The following XPOT variants were observed in gnomAD, a reference collection of about 807,000 sequenced individuals.
The protein encoded by XPOT is exportin-T.
XPOT carries 34 observed loss-of-function variants against 128.2 expected under a neutral mutation model. The observed-to-expected ratio is 0.27, with a 90% CI of 0.20 to 0.35. The LOEUF is 0.35. Ranked by LOEUF, XPOT falls within the 10% of genes least tolerant of loss-of-function variation. XPOT has a pLI of 1.00. For missense variants in XPOT, 838 were observed against 1,125.3 expected (o/e 0.74, Z 3.65); for synonymous variants, 348 against 394.3 (o/e 0.88, Z 1.39).
rs781710777 is a variant in XPOT at position 64,431,814 on chromosome 12, C to A, written c.2253C>A (p.Ala751=). The change falls in exon 18 of 25, where the codon GCC becomes GCA. Residue 751 remains alanine (A), a synonymous_variant. Coordinates refer to ENST00000332707, the MANE Select transcript of XPOT (RefSeq NM_007235.6). ...TTCCTCTTATCAACCAGATTACGGC[C>A]AAATTCAAGGTACCGCAAACTTTCA... ...EFIPLINQIT[A]KFKIQVSPFL... 4.3e-6 allele frequency: 7 copies of A among 1,611,194 alleles called. No individual in the cohort carries two copies. In the Admixed American group the frequency reaches 1.2e-4, roughly 27 times the overall value.
chr12:64,421,032 C>T (rs2040134130), intron 8 of XPOT, among the ~76,000 whole-genome samples: 1 of 152,134 alleles, frequency 6.6e-6, no homozygotes, highest in Non-Finnish European at 1.5e-5. Context: ...GAACTCTTGA[C>T]CTCAGGTAAT....
intron 11 of XPOT, among the ~76,000 whole-genome samples, 180 bp downstream of exon 11, chr12:64,423,424 T>G (rs1465336670): frequency 6.6e-6 from 1 of 152,160 alleles, no homozygotes; most frequent in African/African-American, 2.4e-5. Flanking sequence ...CCTTCCTTTT[T>G]GATATTTTAT....
At chr12:64,409,473 T>C (rs374399415) in intron 1 of XPOT, among the ~76,000 whole-genome samples, 348 of 152,330 alleles carry the variant, frequency 2.3e-3, no homozygotes, top group South Asian at 5.4e-3. Flanking sequence ...GGGTGGCTCA[T>C]GCCTGTAATC....
intron 24 of XPOT, among the ~76,000 whole-genome samples, chr12:64,447,699 C>CA (rs1331572921): frequency 1.3e-5 from 2 of 152,168 alleles, no homozygotes; most frequent in Non-Finnish European, 2.9e-5. Flanking sequence ...AGGCTGATCT[C>CA]AAACTCCTGG....
chr12:64,411,311 T>C (rs1347910876), intron 2 of XPOT, among the ~76,000 whole-genome samples: 1 of 152,258 alleles, frequency 6.6e-6, no homozygotes, highest in Non-Finnish European at 1.5e-5. Context: ...TGCATGCTTG[T>C]AATTAAAAGC....
rs769531840 is a variant in XPOT at position 64,420,483 on chromosome 12, C to G, written c.805C>G (p.Gln269Glu). Residue 269 changes from glutamine (Q) to glutamate (E), a missense_variant, in exon 8 of 25, where the codon CAA becomes GAA. By Grantham distance (29) the Gln-to-Glu change is conservative. Around this residue, in one of 3 missense-constraint regions of XPOT, gnomAD observed 761 missense variants for 988.3 expected, o/e 0.77. Coordinates refer to ENST00000332707, the MANE Select transcript of XPOT (RefSeq NM_007235.6). ...DKMKLVESLC[Q>E]VLQSAGFFSI... ...AATGAAACTAGTGGAATCTTTGTGT[C>G]AAGTATTACAGTCTGCTGGGTTTTT... is the stretch of plus-strand genomic sequence containing the variant. The G allele has an allele frequency of 1.1e-5, 17 of 1,613,426 alleles. No individual in the cohort carries two copies. The highest frequency in any genetic ancestry group is 1.4e-5 in the Non-Finnish European group (16 of 1,179,802).
At chr12:64,413,033 G>C (rs1196254834) in intron 2 of XPOT, among the ~76,000 whole-genome samples, 3 of 152,128 alleles carry the variant, frequency 2.0e-5, no homozygotes, top group African/African-American at 4.8e-5. Flanking sequence ...AGTTTTTATA[G>C]AGCTGAATCT....
chr12:64,417,981 G>A, intron 4 of XPOT, 65 bp from the exon 5 acceptor site: 2 of 1,330,418 alleles, frequency 1.5e-6, no homozygotes, highest in Admixed American at 2.2e-5. Context: ...ATATGAGGCT[G>A]TTATTTTTTA....
chr12:64,434,127 T>C (rs1336866739), intron 19 of XPOT, among the ~76,000 whole-genome samples: 1 of 152,182 alleles, frequency 6.6e-6, no homozygotes, highest in Admixed American at 6.5e-5. Context: ...CTCCCATCTC[T>C]ACCTCCTGAG....
intron 3 of XPOT, among the ~76,000 whole-genome samples, chr12:64,416,363 T>A (rs918240360): frequency 3.3e-5 from 5 of 152,210 alleles, no homozygotes; most frequent in Admixed American, 2.0e-4. Flanking sequence ...CCTGTTATTG[T>A]AAAATGAAGG....
Position 64,425,530 on chromosome 12 carries a change from C to G in XPOT, c.1572+73C>G. On this transcript the variant is annotated intron_variant, in intron 14 of 24. Transcript: ENST00000332707. Reference sequence around the variant, plus strand: ...CTTGATAGTGTAGTATTGTATTTTTCTGTCTATAACTTTTCTCAGAATCAA... The same window carrying G: ...CTTGATAGTGTAGTATTGTATTTTTGTGTCTATAACTTTTCTCAGAATCAA... The G allele has an allele frequency of 1.9e-6, 3 of 1,540,326 alleles. No individual in the cohort carries two copies. In the South Asian group the frequency reaches 3.7e-5, roughly 19 times the overall value.
chr12:64,418,853 T>A (rs1258426126), intron 5 of XPOT, 23 bp from the exon 6 acceptor site: 2 of 1,602,820 alleles, frequency 1.2e-6, no homozygotes, highest in Admixed American at 3.4e-5. Flanking sequence ...TTTAATTTTA[T>A]GGACTGTTTC....
chr12:64,422,983 G>C (rs367550213), intron 9 of XPOT, 22 bp from the exon 10 acceptor site: 1 of 1,609,948 alleles, frequency 6.2e-7, no homozygotes, highest in Admixed American at 1.7e-5. Flanking sequence ...AACCTAATAA[G>C]TTATTGCTTC....
chr12:64,409,933 TTTTC>T, intron 1 of XPOT, 25 bp from the exon 2 acceptor site: 1 of 871,562 alleles, frequency 1.1e-6, no homozygotes, highest in South Asian at 1.4e-5. Flanking sequence ...TCAAGTAATG[TTTTC>T]TTTCAACTTT....
intron 11 of XPOT, 50 bp from the exon 12 acceptor site, chr12:64,424,549 G>T: frequency 6.2e-7 from 1 of 1,601,508 alleles, no homozygotes; most frequent in Non-Finnish European, 8.5e-7. Context: ...GGTTTGCTGC[G>T]CCGATCAACC....
rs1450749054 is a variant in XPOT at position 64,443,726 on chromosome 12, A to AT, written c.2806-1347dup. 3.3e-5 allele frequency among the ~76,000 whole-genome samples: 5 copies of AT among 152,286 alleles called. 1 individual carries two copies. The highest frequency in any genetic ancestry group is 3.3e-4 in the Admixed American group (5 of 15,290). Reference sequence around the variant, plus strand: ...CACTTTGACCTCCCAAAGTGCTGGGATTACAGGCATGAGCCACTGTGCCCA... The same window carrying AT: ...CACTTTGACCTCCCAAAGTGCTGGGATTTACAGGCATGAGCCACTGTGCCCA... On this transcript the variant is annotated intron_variant, in intron 23 of 24. Transcript: ENST00000332707.
intron 11 of XPOT, 128 bp from the exon 12 acceptor site, chr12:64,424,471 A>G (rs2040171419): frequency 2.5e-6 from 2 of 786,574 alleles, no homozygotes; most frequent in Admixed American, 6.6e-5. Context: ...TTATTATTAT[A>G]CTTTAAGTTT....
At chr12:64,416,655 A>T in intron 3 of XPOT, 43 bp from the exon 4 acceptor site, 3 of 1,497,808 alleles carry the variant, frequency 2.0e-6, no homozygotes, top group Non-Finnish European at 2.8e-6. Flanking sequence ...TGTTTTCCTC[A>T]GTTCATATTC....
At position 64,447,483 on chromosome 12, in the gene XPOT, T is replaced by A. The variant is rs569430529; in HGVS notation, c.2863-622T>A. The stretch of plus-strand genomic sequence containing the variant: ...GACTTGTTTCCTCCTCAATATTTAA[T>A]TTTTTTTTTTTTGAGACGGAGTTTC... On this transcript the variant is annotated intron_variant, in intron 24 of 24. Transcript: ENST00000332707. 6.1e-5 allele frequency among the ~76,000 whole-genome samples: 9 copies of A among 147,354 alleles called. No individual in the cohort carries two copies. In the South Asian group the frequency reaches 1.3e-3, roughly 21 times the overall value.
Sources: gnomAD v4.1 joint callset for allele counts (sites outside exome capture counted in the v4.1 genomes callset) on GRCh38, gnomAD v4.1.1 for gene constraint, gnomAD v4.1.1 regional missense constraint, MANE v1.5 for transcripts, NCBI Gene and HGNC (gene_info 2026-07-23, HGNC 2026-07-21) for gene names.